The following B9D2 variants were observed in gnomAD, a reference collection of about 807,000 sequenced individuals.
B9D2 encodes the protein B9 domain-containing protein 2.
Under a neutral mutation model 19.2 loss-of-function variants are expected in B9D2, and 21 were observed. The ratio of observed to expected loss-of-function variants is 1.09; its 90% CI spans 0.78 to 1.58. B9D2 has a LOEUF of 1.58. B9D2 is among the 40% of genes most tolerant of loss of function. The pLI is 0.00. For synonymous variants in B9D2, 91 were observed against 100.6 expected, an observed-to-expected ratio of 0.90 and a Z score of 0.57; for missense variants, 221 against 244.3, an observed-to-expected ratio of 0.90 and a Z score of 0.64.
In B9D2 at chr19:41,354,908, T is replaced by C. The variant is rs1338631049; in HGVS notation, c.320A>G (p.Gln107Arg). The change falls in exon 4 of 4, where the codon CAG (glutamine) becomes CGG (arginine). Residue 107 changes from glutamine to arginine, a missense_variant. By Grantham distance (43) the Gln-to-Arg change is conservative (BLOSUM62 1). Coordinates refer to ENST00000243578, the MANE Select transcript of B9D2 (RefSeq NM_030578.4). Reference protein sequence around the residue: ...CHVPSSPGTHQLACPTWRPLG... With the variant: ...CHVPSSPGTHRLACPTWRPLG... ...GGGCCGCCACGTGGGGCAGGCCAGC[T>C]GGTGGGTGCCCGGGCTACTGGGCAC... The C allele has an allele frequency of 6.2e-7, 1 of 1,613,600 alleles. No individual in the cohort carries two copies. Among genetic ancestry groups the C allele is most frequent in the Admixed American group, 1.7e-5 (1 of 60,012 alleles).
intron 2 of B9D2, among the ~76,000 whole-genome samples, chr19:41,361,609 G>A (rs2038404426): frequency 6.7e-6 from 1 of 148,430 alleles, no homozygotes; most frequent in Non-Finnish European, 1.5e-5. Context: ...CCGACATGGT[G>A]AAACCCCATC....
chr19:41,357,785 C>A, intron 3 of B9D2, 112 bp downstream of exon 3: 1 of 1,494,824 alleles, frequency 6.7e-7, no homozygotes, highest in South Asian at 1.2e-5. Flanking sequence ...GCAAAAGGGA[C>A]CTACGTGGTA....
At position 41,357,965 on chromosome 19, in the gene B9D2, G is replaced by A. The variant is rs773375953; in HGVS notation, c.146C>T (p.Pro49Leu). 5.1e-5 allele frequency: 83 copies of A among 1,614,038 alleles called. No individual in the cohort carries two copies. The highest frequency in any genetic ancestry group is 6.5e-5 in the Non-Finnish European group (77 of 1,180,004). ...VREGQTQVDTPQIGDMAYWSH... is the reference protein window; with the variant it reads ...VREGQTQVDTLQIGDMAYWSH... ...CCAGTAAGCCATGTCCCCTATCTGCGGGGTGTCCACTTGCGTTTGGCCCTC... is the reference window on the plus strand; with the variant it reads ...CCAGTAAGCCATGTCCCCTATCTGCAGGGTGTCCACTTGCGTTTGGCCCTC... The change falls in exon 3 of 4, where the codon CCG (proline) becomes CTG (leucine). Residue 49 changes from proline (P) to leucine (L), a missense_variant. Pro to Leu is a moderately conservative substitution (Grantham distance 98). Coordinates refer to ENST00000243578, the MANE Select transcript of B9D2 (RefSeq NM_030578.4).
chr19:41,360,936 A>T (rs1241135315), intron 2 of B9D2: 1 of 152,214 alleles, frequency 6.6e-6, no homozygotes, highest in African/African-American at 2.4e-5. Flanking sequence ...TGTTTCTTGG[A>T]CAAATAAGTG....
At chr19:41,360,968 TATA>T (rs1027383409) in intron 2 of B9D2, 2 of 152,144 alleles carry the variant, frequency 1.3e-5, no homozygotes, top group Non-Finnish European at 2.9e-5. Flanking sequence ...TGGGAGCTAA[TATA>T]ATCCCCATTT....
intron 2 of B9D2, chr19:41,363,173 G>C (rs2038441023): frequency 2.0e-6 from 1 of 509,230 alleles, no homozygotes; most frequent in African/African-American, 1.9e-5. Context: ...TAGAGCCCGA[G>C]AGTTCGAGGC....
intron 2 of B9D2, among the ~76,000 whole-genome samples, chr19:41,362,381 A>AC (rs2038423766): frequency 6.7e-6 from 1 of 148,484 alleles, no homozygotes; most frequent in South Asian, 2.1e-4. Context: ...CAAAAAAAAA[A>AC]AAAAAAAAAA....
At chr19:41,363,225 G>A (rs1287330123) in intron 2 of B9D2, 5 of 616,540 alleles carry the variant, frequency 8.1e-6, no homozygotes, top group South Asian at 3.6e-5. Context: ...CAGCCCGGGC[G>A]CAGAGAGAGA....
chr19:41,355,419 C>T (rs1301706765), intron 3 of B9D2, among the ~76,000 whole-genome samples: 3 of 84,604 alleles, frequency 3.5e-5, no homozygotes, highest in Non-Finnish European at 7.5e-5. Context: ...TTGTCAGGGA[C>T]ACCTCCTGCC....
chr19:41,357,866 G>A (rs1000123002), intron 3 of B9D2, 31 bp downstream of exon 3: 9 of 1,612,792 alleles, frequency 5.6e-6, no homozygotes, highest in Non-Finnish European at 7.6e-6. Flanking sequence ...CCTCCCCTCA[G>A]CCTGGACCCG....
intron 2 of B9D2, chr19:41,360,969 A>C (rs2038395534): frequency 6.6e-6 from 1 of 152,210 alleles, no homozygotes; most frequent in Non-Finnish European, 1.5e-5. Context: ...GGGAGCTAAT[A>C]TAATCCCCAT....
At chr19:41,358,570 A>G (rs1338937762) in intron 2 of B9D2, among the ~76,000 whole-genome samples, 2 of 152,286 alleles carry the variant, frequency 1.3e-5, no homozygotes, top group African/African-American at 4.8e-5. Context: ...ATAAGTCTTC[A>G]ATATCATTTT....
At chr19:41,358,244 G>T (rs1371622013) in intron 2 of B9D2, among the ~76,000 whole-genome samples, 3 of 152,160 alleles carry the variant, frequency 2.0e-5, no homozygotes, top group Admixed American at 1.3e-4. Context: ...TCTATAAAAT[G>T]AGCTGAGTAA....
At position 41,354,524 on chromosome 19, in the gene B9D2, A is replaced by T. The variant is rs2038272521; in HGVS notation, c.*176T>A. On this transcript the variant is annotated 3_prime_UTR_variant, in exon 4 of 4. Coordinates refer to ENST00000243578, the MANE Select transcript of B9D2 (RefSeq NM_030578.4). ...CATTTACTGTCCCCAATTTACAGAT[A>T]GGGAAACTGGGCCCAGAGGGACCCC... The T allele has an allele frequency of 6.4e-6, 5 of 785,160 alleles. No homozygotes were observed. The African/African-American group carries it at 6.8e-5, about 11-fold the overall frequency. The allele number at this position is 785,160 out of a possible 1,614,324, so 48.6% of individuals were successfully genotyped here. A position where few individuals can be genotyped will look rare whatever the true frequency, so the allele number is the denominator to read the frequency against.
chr19:41,354,949 G>C lies in B9D2; in HGVS notation c.279C>G (p.Gly93=), dbSNP rs74723357. ...QDSFGRCQLA[G]YGFCHVPSSP... is the part of the protein sequence containing the mutation. ...TACTGGGCACATGGCAAAATCCATA[G>C]CCTGCAAGCTGGCAGCGGCCAAAGC... The change falls in exon 4 of 4, where the codon GGC becomes GGG. Residue 93 remains glycine, a synonymous_variant. Coordinates refer to ENST00000243578, the MANE Select transcript of B9D2 (RefSeq NM_030578.4). The C allele has an allele frequency of 2.4e-5, 39 of 1,612,492 alleles. No homozygotes were observed. In the African/African-American group the frequency reaches 2.5e-4, roughly 10 times the overall value.
rs759445999 is a variant in B9D2 at position 41,354,839 on chromosome 19, C to T, written c.389G>A (p.Gly130Asp). ...REQLARAFVG[G>D]GPQLLHGDTI... ...GTCCCCATGCAGCAGCTGCGGCCCA[C>T]CACCCACGAAAGCCCGTGCCAACTG... Residue 130 changes from glycine (G) to aspartate (D), a missense_variant, in exon 4 of 4, where the codon GGT becomes GAT. Physicochemically the swap from Gly to Asp is moderately conservative, Grantham distance 94. Transcript: ENST00000243578. 1 of 1,613,998 alleles carries T rather than the reference C, an allele frequency of 6.2e-7. No individual in the cohort carries two copies. Among genetic ancestry groups the T allele is most frequent in the Non-Finnish European group, 8.5e-7 (1 of 1,179,998 alleles).
chr19:41,355,975 G>A (rs1415734719), intron 3 of B9D2, among the ~76,000 whole-genome samples: 2 of 152,324 alleles, frequency 1.3e-5, no homozygotes, highest in East Asian at 1.9e-4. Context: ...AGGCCCTGGG[G>A]GGGGACTGTC....
intron 3 of B9D2, among the ~76,000 whole-genome samples, chr19:41,356,569 C>A (rs536224909): frequency 5.4e-4 from 82 of 151,820 alleles, no homozygotes; most frequent in South Asian, 1.0e-3. Context: ...CTCAGCCAGG[C>A]GCGGTGGCTC....
At position 41,357,995 on chromosome 19, in the gene B9D2, A is replaced by G. The variant is rs1262534879; in HGVS notation, c.116T>C (p.Val39Ala). ...TGAAWKLLSG[V>A]REGQTQVDTP... ...GTCCACTTGCGTTTGGCCCTCCCGC[A>G]CGCCTGACAGGAGCTTCCATGCCGC... Residue 39 changes from valine to alanine, a missense_variant, in exon 3 of 4, where the codon GTG becomes GCG. Val to Ala is a moderately conservative substitution (Grantham distance 64, BLOSUM62 0). Transcript: ENST00000243578. 6.2e-7 allele frequency: 1 copy of G among 1,613,986 alleles called. No homozygotes were observed. The highest frequency in any genetic ancestry group is 1.7e-5 in the Admixed American group (1 of 60,006).
Sources: gnomAD v4.1 joint callset for allele counts (sites outside exome capture counted in the v4.1 genomes callset) on GRCh38, gnomAD v4.1.1 for gene constraint, MANE v1.5 for transcripts, NCBI Gene and HGNC (gene_info 2026-07-23, HGNC 2026-07-21) for gene names.